The following CLASP1 variants were observed in gnomAD, a reference collection of about 807,000 sequenced individuals.
CLASP1 encodes the protein cytoplasmic linker associated protein 1.
In CLASP1, 38 loss-of-function variants were observed where a neutral mutation model predicts 192.3. The ratio of observed to expected loss-of-function variants is 0.20; its 90% CI spans 0.15 to 0.26. The LOEUF is 0.26. CLASP1 is among the 10% of genes least tolerant of loss of function. CLASP1 has a pLI of 1.00. For synonymous variants in CLASP1, 691 were observed against 712.8 expected, an observed-to-expected ratio of 0.97 and a Z score of 0.49; for missense variants, 1,433 against 1,932.5, an observed-to-expected ratio of 0.74 and a Z score of 4.85.
At chr2:121,581,257 G>GTTTT (rs1429061024) in intron 2 of CLASP1, among the ~76,000 whole-genome samples, 5 of 91,670 alleles carry the variant, frequency 5.5e-5, no homozygotes, top group African/African-American at 2.3e-4. Context: ...AAGGCCTTTT[G>GTTTT]TTCTTTTTTT....
exon 3 of CLASP1, chr2:121,530,297 G>A: frequency 2.6e-6 from 4 of 1,552,202 alleles, no homozygotes; most frequent in Non-Finnish European, 3.5e-6. Context: ...CACCAGGGCG[G>A]ACAGGATGTC....
At position 121,397,059 on chromosome 2, in the gene CLASP1, G is replaced by A. The variant is rs182116882; in HGVS notation, c.3123+81C>T. 7.7e-4 allele frequency: 1,115 copies of A among 1,444,928 alleles called. 1 individual carries two copies. Among genetic ancestry groups the A allele is most frequent in the Non-Finnish European group, 9.8e-4 (1,013 of 1,035,220 alleles). The allele number at this position is 1,444,928 out of a possible 1,614,324, so 89.5% of individuals were successfully genotyped here. A position where few individuals can be genotyped will look rare whatever the true frequency, so the allele number is the denominator to read the frequency against. ...ATATAGGTTTGTGGGTGGGTGGCACGGTTTTCAAGTTTCTAAATACATTTC... is the reference window on the plus strand; with the variant it reads ...ATATAGGTTTGTGGGTGGGTGGCACAGTTTTCAAGTTTCTAAATACATTTC... On this transcript the variant is annotated intron_variant, in intron 30 of 39. Transcript: ENST00000263710.
At chr2:121,612,368 AAG>A (rs2065757349) in intron 1 of CLASP1, among the ~76,000 whole-genome samples, 2 of 151,382 alleles carry the variant, frequency 1.3e-5, no homozygotes, top group Admixed American at 6.6e-5. Flanking sequence ...TTATAGGAGA[AAG>A]AGGAACTGGA....
At chr2:121,492,868 T>G (rs1428176892) in intron 8 of CLASP1, among the ~76,000 whole-genome samples, 1 of 152,118 alleles carries the variant, frequency 6.6e-6, no homozygotes, top group Admixed American at 6.5e-5. Flanking sequence ...GTTTAAAAGC[T>G]TGTATACAAA....
chr2:121,508,856 A>C (rs573661062), intron 7 of CLASP1, among the ~76,000 whole-genome samples: 1 of 152,350 alleles, frequency 6.6e-6, no homozygotes, highest in South Asian at 2.1e-4. Flanking sequence ...GATAACAAGT[A>C]ACACAGACCT....
chr2:121,426,860 G>T (rs1325691344), intron 21 of CLASP1, among the ~76,000 whole-genome samples: 1 of 151,918 alleles, frequency 6.6e-6, no homozygotes, highest in Admixed American at 6.6e-5. Context: ...CACTCAAATG[G>T]CAATCATTTG....
chr2:121,510,974 T>C (rs2094115809), intron 7 of CLASP1, among the ~76,000 whole-genome samples: 1 of 152,084 alleles, frequency 6.6e-6, no homozygotes, highest in Non-Finnish European at 1.5e-5. Flanking sequence ...ATGATGGGTT[T>C]GCAAGAGGCA....
intron 32 of CLASP1, among the ~76,000 whole-genome samples, chr2:121,383,764 G>A (rs759976372): frequency 4.6e-5 from 7 of 151,094 alleles, no homozygotes; most frequent in Admixed American, 3.3e-4. Flanking sequence ...TTCATTTACC[G>A]TAAAATCATA....
chr2:121,467,053 T>C (rs2089728566), intron 9 of CLASP1, among the ~76,000 whole-genome samples: 1 of 152,224 alleles, frequency 6.6e-6, no homozygotes, highest in Non-Finnish European at 1.5e-5. Flanking sequence ...CTCCCACTTA[T>C]AAGTGAGAAC....
intron 1 of CLASP1, among the ~76,000 whole-genome samples, chr2:121,640,088 G>C (rs2106324857): frequency 6.6e-6 from 1 of 152,202 alleles, no homozygotes; most frequent in East Asian, 1.9e-4. Flanking sequence ...GATGAAGCTG[G>C]AAACCATCAT....
intron 2 of CLASP1, among the ~76,000 whole-genome samples, chr2:121,581,924 C>T (rs6746544): frequency 0.97 from 147,378 of 152,180 alleles, 71,395 homozygotes; most frequent in East Asian, 1. Context: ...GGCTCATGAC[C>T]GTAATCCCAG....
chr2:121,582,868 T>C (rs543671376), intron 2 of CLASP1, among the ~76,000 whole-genome samples: 27 of 151,534 alleles, frequency 1.8e-4, no homozygotes, highest in South Asian at 8.4e-4. Flanking sequence ...CTCTGCAACC[T>C]CTGCCTCCCA....
intron 1 of CLASP1, among the ~76,000 whole-genome samples, chr2:121,637,003 T>C (rs1290807519): frequency 6.6e-6 from 1 of 152,170 alleles, no homozygotes. Flanking sequence ...ACCTGTATGG[T>C]ACTAGACTAG....
chr2:121,388,074 C>G lies in CLASP1; in HGVS notation c.3124-168G>C, dbSNP rs1364581673. ...GAAAATAATACCAATCACAAGCAGT[C>G]TGACTTCAATCGGGAAAATAAACTC... On this transcript the variant is annotated intron_variant, in intron 30 of 39. Transcript: ENST00000263710. 2.4e-5 allele frequency: 13 copies of G among 537,554 alleles called. No homozygotes were observed. In the East Asian group the frequency reaches 3.7e-4, roughly 15 times the overall value. 33.3% of individuals were successfully genotyped at this position (537,554 alleles called of 1,614,324 possible).
At chr2:121,429,127 G>GC (rs2080941839) in intron 20 of CLASP1, among the ~76,000 whole-genome samples, 1 of 152,160 alleles carries the variant, frequency 6.6e-6, no homozygotes, top group South Asian at 2.1e-4. Flanking sequence ...CATGAGGACT[G>GC]CAGTTATCAA....
At chr2:121,625,563 T>C (rs1417252855) in intron 1 of CLASP1, among the ~76,000 whole-genome samples, 2 of 151,284 alleles carry the variant, frequency 1.3e-5, no homozygotes, top group African/African-American at 2.4e-5. Context: ...GCCTCCCAAG[T>C]AGCTGGGATT....
chr2:121,648,992 C>G (rs532529327), intron 1 of CLASP1, among the ~76,000 whole-genome samples: 21 of 152,336 alleles, frequency 1.4e-4, no homozygotes, highest in Non-Finnish European at 2.8e-4. Context: ...CGCCCCCTCC[C>G]TTCCTTTCAA....
At chr2:121,403,538 A>T (rs2076447061) in intron 26 of CLASP1, 1 of 455,968 alleles carries the variant, frequency 2.2e-6, no homozygotes, top group Non-Finnish European at 4.4e-6. Context: ...ACTGTAGTTG[A>T]TCCTGCATGT....
rs140274688 is a variant in CLASP1, at chr2:121,494,116, G to A, written c.712+9051C>T. 4.6e-3 allele frequency among the ~76,000 whole-genome samples: 697 copies of A among 152,240 alleles called. 2 individuals are homozygous for A. The highest frequency in any genetic ancestry group is 7.7e-3 in the South Asian group (37 of 4,828). ...CTGCTAGGTATGTACCCAAAAGAAA[G>A]GAAATCAGTATATTGAAGAGATACC... On this transcript the variant is annotated intron_variant, in intron 8 of 39. Coordinates refer to ENST00000263710, the Ensembl canonical transcript of CLASP1.
Sources: allele counts gnomAD v4.1 joint callset (sites outside exome capture counted in the v4.1 genomes callset), GRCh38; gene constraint gnomAD v4.1.1; transcripts MANE v1.5; gene names NCBI Gene and HGNC (gene_info 2026-07-23, HGNC 2026-07-21).